Variants in GCN1 observed in about 807,000 individuals in gnomAD.
GCN1 encodes stalled ribosome sensor GCN1.
Under a neutral mutation model 288.4 loss-of-function variants are expected in GCN1, and 90 were observed. That is an observed-to-expected ratio of 0.31 (90% confidence interval 0.26 to 0.37). The LOEUF is 0.37. Ranked by LOEUF, GCN1 falls within the 10% of genes least tolerant of loss-of-function variation. The probability of loss-of-function intolerance (pLI) is 1.00; values close to 1 mark genes in which losing one functional copy is unlikely to be tolerated. For missense variants in GCN1, 2,586 were observed against 3,419.9 expected (o/e 0.76, Z 6.08); for synonymous variants, 1,386 against 1,420.2 (o/e 0.98, Z 0.54).
intron 2 of GCN1, 80 bp downstream of exon 2, chr12:120,190,218 C>G: frequency 2.7e-6 from 2 of 729,234 alleles, no homozygotes; most frequent in Admixed American, 5.1e-5. Context: ...GTGAGAGACT[C>G]TGTCTCAAAA....
intron 13 of GCN1, 46 bp downstream of exon 13, chr12:120,174,025 C>A: frequency 1.6e-6 from 2 of 1,239,494 alleles, no homozygotes; most frequent in South Asian, 2.4e-5. Flanking sequence ...AAACCACGGT[C>A]AAGGATGAGT....
Position 120,144,476 on chromosome 12 carries a change from G to C in GCN1, c.5353-28C>G, listed in dbSNP as rs2139094865. ...GGGCACACAGAGGGTGGGTCAGCCA[G>C]AGCTGCCACCCCCAGGCCCCCAGCC... On this transcript the variant is annotated intron_variant, in intron 41 of 57. Coordinates refer to ENST00000300648, the MANE Select transcript of GCN1 (RefSeq NM_006836.2). The surrounding 1 kb of genome is among the most constrained non-coding windows in gnomAD (Gnocchi z 4.7). 6 of 1,602,262 alleles carry C rather than the reference G, an allele frequency of 3.7e-6. No homozygotes were observed. The highest frequency in any genetic ancestry group is 5.1e-6 in the Non-Finnish European group (6 of 1,172,698).
In GCN1 at chr12:120,134,530, T is replaced by A. The variant is rs1473661640; in HGVS notation, c.7202+3A>T. The A allele has an allele frequency of 3.7e-6, 6 of 1,612,532 alleles. No individual in the cohort carries two copies. The highest frequency in any genetic ancestry group is 5.1e-6 in the Non-Finnish European group (6 of 1,178,758). ...CCACAGTGCTCCCTTGCCAGCGCCG[T>A]ACCTGACACCTGGGTCCTCCATGGC... is the stretch of plus-strand genomic sequence containing the variant. On this transcript the variant is annotated splice_donor_region_variant and intron_variant, in intron 52 of 57. Transcript: ENST00000300648. The surrounding 1 kb of genome is among the most constrained non-coding windows in gnomAD (Gnocchi z 5.0).
At chr12:120,186,194 C>G (rs1254100400) in intron 2 of GCN1, among the ~76,000 whole-genome samples, 1 of 152,014 alleles carries the variant, frequency 6.6e-6, no homozygotes, top group African/African-American at 2.4e-5. Context: ...CAAAAATTAC[C>G]TGGGCATGGT....
intron 2 of GCN1, among the ~76,000 whole-genome samples, chr12:120,188,440 GAA>G (rs1229562559): frequency 1.5e-4 from 17 of 115,774 alleles, no homozygotes; most frequent in Admixed American, 7.7e-4. Context: ...TCTCACCAAA[GAA>G]AAAAAAAAAA....
chr12:120,133,208 G>GGT (rs141873215), intron 53 of GCN1, among the ~76,000 whole-genome samples: 5 of 151,932 alleles, frequency 3.3e-5, no homozygotes, highest in East Asian at 3.9e-4. Flanking sequence ...AGTGTGTGTG[G>GGT]GTGTGTGTGT....
In GCN1 at chr12:120,144,759, G is replaced by A. The variant is rs376101722; in HGVS notation, c.5232C>T (p.Ser1744=). Residue 1744 remains serine (S), a synonymous_variant, in exon 41 of 58, where the codon AGC becomes AGT. Coordinates refer to ENST00000300648, the MANE Select transcript of GCN1 (RefSeq NM_006836.2). The surrounding 1 kb of genome is among the most constrained non-coding windows in gnomAD (Gnocchi z 4.7). ...GGACATGGGGTGCAATGTCCACTTT[G>A]CTGGCTGTAGCCACGATTTCTGGCA... ...KLMPEIVATA[S]KVDIAPHVRD... 3.7e-5 allele frequency: 59 copies of A among 1,613,914 alleles called. No individual in the cohort carries two copies. Among genetic ancestry groups the A allele is most frequent in the Non-Finnish European group, 4.8e-5 (57 of 1,179,908 alleles).
chr12:120,138,854 C>T lies in GCN1; in HGVS notation c.5997G>A (p.Val1999=). The T allele has an allele frequency of 6.2e-7, 1 of 1,607,256 alleles. No homozygotes were observed. Among genetic ancestry groups the T allele is most frequent in the Non-Finnish European group, 8.5e-7 (1 of 1,175,230 alleles). Residue 1999 remains valine, a splice_region_variant and synonymous_variant, in exon 46 of 58, where the codon GTG becomes GTA. Coordinates refer to ENST00000300648, the MANE Select transcript of GCN1 (RefSeq NM_006836.2). The part of the protein sequence containing the change: ...EIMKSTSRDA[V]LYFSESLVPT... Reference sequence around the variant, plus strand: ...GCACGAGGGATTCAGAGAAATACAGCACCTGCAATGGCAAGCTACAACTGT... The same window carrying T: ...GCACGAGGGATTCAGAGAAATACAGTACCTGCAATGGCAAGCTACAACTGT...
chr12:120,134,781 G>C lies in GCN1; in HGVS notation c.7009-55C>G. On this transcript the variant is annotated intron_variant, in intron 51 of 57. Coordinates refer to ENST00000300648, the MANE Select transcript of GCN1 (RefSeq NM_006836.2). The surrounding 1 kb of genome is among the most constrained non-coding windows in gnomAD (Gnocchi z 5.0). ...CAGTTGTGGTAGACCCAAAGCCACA[G>C]TGTACCACAGGCATGAGAACAAATG... 1 of 1,429,038 alleles carries C rather than the reference G, an allele frequency of 7.0e-7. No individual in the cohort carries two copies. Among genetic ancestry groups the C allele is most frequent in the Non-Finnish European group, 9.8e-7 (1 of 1,015,690 alleles). The allele number at this position is 1,429,038 out of a possible 1,614,324, so 88.5% of individuals were successfully genotyped here. A position where few individuals can be genotyped will look rare whatever the true frequency, so the allele number is the denominator to read the frequency against.
rs1237852109 is a variant in GCN1 at position 120,134,156 on chromosome 12, A to G, written c.7317+135T>C. The G allele has an allele frequency of 1.6e-6, 1 of 628,558 alleles. No homozygotes were observed. The highest frequency in any genetic ancestry group is 2.9e-6 in the Non-Finnish European group (1 of 348,314). 38.9% of individuals were successfully genotyped at this position (628,558 alleles called of 1,614,324 possible). A position where few individuals can be genotyped will look rare whatever the true frequency, so the allele number is the denominator to read the frequency against. On this transcript the variant is annotated intron_variant, in intron 53 of 57. Coordinates refer to ENST00000300648, the MANE Select transcript of GCN1 (RefSeq NM_006836.2). The surrounding 1 kb of genome is among the most constrained non-coding windows in gnomAD (Gnocchi z 5.0). Reference sequence around the variant, plus strand: ...CCGAGGAAATGTTGGTGAAGCATACAGGGTGATAGAAATGTCAGGAATGCT... The same window carrying G: ...CCGAGGAAATGTTGGTGAAGCATACGGGGTGATAGAAATGTCAGGAATGCT...
At position 120,158,055 on chromosome 12, in the gene GCN1, A is replaced by G; in HGVS notation, c.2906-25T>C. Reference sequence around the variant, plus strand: ...CCTGTGAGAGCGAGAAGCAGATAAGATTCTGCAGGCAGGGCAGGGACCCGG... The same window carrying G: ...CCTGTGAGAGCGAGAAGCAGATAAGGTTCTGCAGGCAGGGCAGGGACCCGG... On this transcript the variant is annotated intron_variant, in intron 25 of 57. Coordinates refer to ENST00000300648, the MANE Select transcript of GCN1 (RefSeq NM_006836.2). This position sits in a 1 kb window ranked among gnomAD's most constrained non-coding sequence, Gnocchi z 4.3. The G allele has an allele frequency of 6.2e-7, 1 of 1,610,430 alleles. No homozygotes were observed. Among genetic ancestry groups the G allele is most frequent in the Non-Finnish European group, 8.5e-7 (1 of 1,177,504 alleles).
chr12:120,161,617 A>T (rs943054593), intron 21 of GCN1, 34 bp from the exon 22 acceptor site: 4 of 1,498,484 alleles, frequency 2.7e-6, no homozygotes, highest in Non-Finnish European at 3.7e-6. Context: ...AGCCAGCTTG[A>T]AAAGCACCGC....
intron 18 of GCN1, among the ~76,000 whole-genome samples, chr12:120,164,116 C>T (rs1878023867): frequency 6.6e-6 from 1 of 151,996 alleles, no homozygotes; most frequent in African/African-American, 2.4e-5. Flanking sequence ...CCCCAAAAAC[C>T]CTGGAAAAAA....
At chr12:120,173,945 G>T in intron 13 of GCN1, 119 bp from the exon 14 acceptor site, 1 of 1,046,656 alleles carries the variant, frequency 9.6e-7, no homozygotes, top group Non-Finnish European at 1.5e-6. Flanking sequence ...ATTTCAGACA[G>T]CTACGAGCCT....
intron 5 of GCN1, among the ~76,000 whole-genome samples, chr12:120,182,657 G>T (rs1259798593): frequency 6.6e-6 from 1 of 152,170 alleles, no homozygotes; most frequent in Non-Finnish European, 1.5e-5. Context: ...CAGATCCAAG[G>T]CCTGGCAAAG....
In GCN1 at chr12:120,134,395, G is replaced by C; in HGVS notation, c.7213C>G (p.Leu2405Val). ...MEDPGVRDTM[L>V]QALRFVIQGA... Reference sequence around the variant, plus strand: ...TGAATCACAAACCTCAGGGCCTGCAGCATGGTGTCCCTGCAGAAGCAATGC... The same window carrying C: ...TGAATCACAAACCTCAGGGCCTGCACCATGGTGTCCCTGCAGAAGCAATGC... The change falls in exon 53 of 58, where the codon CTG (leucine) becomes GTG (valine). Residue 2405 changes from leucine (L) to valine (V), a missense_variant. Transcript: ENST00000300648. This position sits in a 1 kb window ranked among gnomAD's most constrained non-coding sequence, Gnocchi z 5.0. 2 of 1,613,158 alleles carry C rather than the reference G, an allele frequency of 1.2e-6. No homozygotes were observed. The highest frequency in any genetic ancestry group is 1.7e-6 in the Non-Finnish European group (2 of 1,179,182).
intron 53 of GCN1, among the ~76,000 whole-genome samples, chr12:120,132,695 G>A (rs930413511): frequency 1.3e-5 from 2 of 152,194 alleles, no homozygotes; most frequent in Admixed American, 6.5e-5. Flanking sequence ...AGCTAACTAT[G>A]GAATACCAAG....
Position 120,134,405 on chromosome 12 carries a change from C to G in GCN1, c.7203G>C (p.Arg2401Ser), listed in dbSNP as rs207473438. ...GIRAMEDPGV[R>S]DTMLQALRFV... ...ACCTCAGGGCCTGCAGCATGGTGTC[C>G]CTGCAGAAGCAATGCACCGCCTTAA... The change falls in exon 53 of 58, where the codon AGG becomes AGC. Residue 2401 changes from arginine (R) to serine (S), a missense_variant and splice_region_variant. This residue lies in a region of GCN1 where 355 missense variants were observed against 431.1 expected (regional missense o/e 0.82). Transcript: ENST00000300648. The surrounding 1 kb of genome is among the most constrained non-coding windows in gnomAD (Gnocchi z 5.0). The G allele has an allele frequency of 6.2e-7, 1 of 1,611,860 alleles. No individual in the cohort carries two copies. The highest frequency in any genetic ancestry group is 8.5e-7 in the Non-Finnish European group (1 of 1,178,058).
chr12:120,193,931 C>G (rs567161518), intron 1 of GCN1, among the ~76,000 whole-genome samples: 1 of 152,338 alleles, frequency 6.6e-6, no homozygotes, highest in African/African-American at 2.4e-5. Context: ...TGTTCTTCCC[C>G]TGCCTCATGA....
Sources: allele counts gnomAD v4.1 joint callset (sites outside exome capture counted in the v4.1 genomes callset), GRCh38; gene constraint gnomAD v4.1.1; regional missense constraint gnomAD v4.1.1; non-coding constraint Gnocchi (gnomAD v3.1); transcripts MANE v1.5; gene names NCBI Gene and HGNC (gene_info 2026-07-23, HGNC 2026-07-21).